Variants in NACC1 observed in about 807,000 individuals in gnomAD.
The protein encoded by NACC1 is nucleus accumbens-associated protein 1.
A neutral mutation model predicts 41.7 loss-of-function variants in NACC1; 6 were observed. The ratio of observed to expected loss-of-function variants is 0.14; its 90% CI spans 0.08 to 0.28. The LOEUF is 0.28. Ranked by LOEUF, NACC1 falls within the 10% of genes least tolerant of loss-of-function variation. The pLI, the probability that NACC1 is intolerant of heterozygous loss-of-function variation, is 1.00. For missense variants in NACC1, 434 were observed against 763.7 expected (o/e 0.57, Z 5.09); for synonymous variants, 338 against 330.6 (o/e 1.02, Z -0.24).
At position 13,138,255 on chromosome 19, in the gene NACC1, A is replaced by G. The variant is rs767345205; in HGVS notation, c.1433A>G (p.Lys478Arg). 44 of 1,614,080 alleles carry G rather than the reference A, an allele frequency of 2.7e-5. No individual in the cohort carries two copies. In the Admixed American group the frequency reaches 3.8e-4, roughly 14 times the overall value. ...RRVVRKSWMP[K>R]VKVLKAEDDA... ...GTCGTGCGCAAGAGCTGGATGCCCAAGGTCAAGGTGCTCAAGGCTGAGGAT... is the reference window on the plus strand; with the variant it reads ...GTCGTGCGCAAGAGCTGGATGCCCAGGGTCAAGGTGCTCAAGGCTGAGGAT... Residue 478 changes from lysine to arginine, a missense_variant, in exon 6 of 6, where the codon AAG (lysine) becomes AGG (arginine). Coordinates refer to ENST00000292431, the MANE Select transcript of NACC1 (RefSeq NM_052876.4). The surrounding 1 kb of genome is among the most constrained non-coding windows in gnomAD (Gnocchi z 5.7).
chr19:13,118,222 C>G (rs544588512), upstream of NACC1: 1 of 150,872 alleles, frequency 6.6e-6, no homozygotes, highest in South Asian at 2.1e-4. Flanking sequence ...CCGCTCCTCC[C>G]TGGCCTGGCT....
At position 13,120,328 on chromosome 19, in the gene NACC1, T is replaced by A. The variant is rs369202481; in HGVS notation, c.-9+1874T>A. Among the ~76,000 whole-genome samples the A allele has an allele frequency of 3.3e-5, 5 of 152,222 alleles. No homozygotes were observed. The East Asian group carries it at 7.7e-4, about 23-fold the overall frequency. ...TGCCTAGACTGTTTTTGCCCCACTT[T>A]GGCCCCCAGTCGGATGGCAGCAGCT... On this transcript the variant is annotated intron_variant, in intron 1 of 5. Coordinates refer to ENST00000292431, the MANE Select transcript of NACC1 (RefSeq NM_052876.4).
rs575305498 is a variant in NACC1 at position 13,124,631 on chromosome 19, A to C, written c.-9+6177A>C. 2.0e-5 allele frequency among the ~76,000 whole-genome samples: 3 copies of C among 152,294 alleles called. No individual in the cohort carries two copies. The East Asian group carries it at 5.8e-4, about 29-fold the overall frequency. On this transcript the variant is annotated intron_variant, in intron 1 of 5. Coordinates refer to ENST00000292431, the MANE Select transcript of NACC1 (RefSeq NM_052876.4). ...CTTTCTGGTTCTGGGTCAGGCAGGCAACCTGAGTAGCTGCCAGGATCCAGC... is the reference window on the plus strand; with the variant it reads ...CTTTCTGGTTCTGGGTCAGGCAGGCCACCTGAGTAGCTGCCAGGATCCAGC...
intron 1 of NACC1, among the ~76,000 whole-genome samples, chr19:13,125,498 G>A (rs757400892): frequency 2.8e-5 from 4 of 143,554 alleles, no homozygotes; most frequent in Non-Finnish European, 4.5e-5. Flanking sequence ...TTGACTCACC[G>A]CATCCTCCGC....
chr19:13,122,585 A>C (rs1011390876), intron 1 of NACC1, among the ~76,000 whole-genome samples: 3 of 149,336 alleles, frequency 2.0e-5, no homozygotes, highest in South Asian at 4.2e-4. Flanking sequence ...GCGGTTCAAC[A>C]TCAGACAGTG....
chr19:13,129,082 G>A (rs1271640065), intron 1 of NACC1, among the ~76,000 whole-genome samples: 1 of 152,172 alleles, frequency 6.6e-6, no homozygotes, highest in East Asian at 1.9e-4. Flanking sequence ...GGGCAGGAGA[G>A]GGACATCTTC....
At position 13,138,557 on chromosome 19, in the gene NACC1, T is replaced by C. The variant is rs2019740534; in HGVS notation, c.*151T>C. The C allele has an allele frequency of 1.0e-6, 1 of 980,926 alleles. No homozygotes were observed. The highest frequency in any genetic ancestry group is 1.4e-6 in the Non-Finnish European group (1 of 696,438). The allele number at this position is 980,926 out of a possible 1,614,324, so 60.8% of individuals were successfully genotyped here. A position where few individuals can be genotyped will look rare whatever the true frequency, so the allele number is the denominator to read the frequency against. ...CTCTGCCCCTCCTGTCCTACCCCCTTTCCCCACCGAGAGCTGGGCCGGGAG... is the reference window on the plus strand; with the variant it reads ...CTCTGCCCCTCCTGTCCTACCCCCTCTCCCCACCGAGAGCTGGGCCGGGAG... On this transcript the variant is annotated 3_prime_UTR_variant, in exon 6 of 6. Transcript: ENST00000292431. The surrounding 1 kb of genome is among the most constrained non-coding windows in gnomAD (Gnocchi z 5.7).
chr19:13,136,536 C>A lies in NACC1; in HGVS notation c.1120+131C>A. 1 of 1,107,460 alleles carries A rather than the reference C, an allele frequency of 9.0e-7. No homozygotes were observed. Among genetic ancestry groups the A allele is most frequent in the Non-Finnish European group, 1.3e-6 (1 of 798,686 alleles). The allele number at this position is 1,107,460 out of a possible 1,614,324, so 68.6% of individuals were successfully genotyped here. ...ATCTGTGCTGTAGTGTTGGTAACAG[C>A]CACCCTAAGGGTGGGGGCGTTGGTG... On this transcript the variant is annotated intron_variant, in intron 3 of 5. Coordinates refer to ENST00000292431, the MANE Select transcript of NACC1 (RefSeq NM_052876.4). This position sits in a 1 kb window ranked among gnomAD's most constrained non-coding sequence, Gnocchi z 5.5.
Position 13,138,559 on chromosome 19 carries a change from C to CGG in NACC1, c.*153_*154insGG. ...CTGCCCCTCCTGTCCTACCCCCTTT[C>CGG]CCCACCGAGAGCTGGGCCGGGAGAG... On this transcript the variant is annotated 3_prime_UTR_variant, in exon 6 of 6. Transcript: ENST00000292431. This position sits in a 1 kb window ranked among gnomAD's most constrained non-coding sequence, Gnocchi z 5.7. 8.6e-7 allele frequency: 1 copy of CGG among 1,158,070 alleles called. No individual in the cohort carries two copies. The highest frequency in any genetic ancestry group is 1.2e-6 in the Non-Finnish European group (1 of 839,090). The allele number at this position is 1,158,070 out of a possible 1,614,324, so 71.7% of individuals were successfully genotyped here.
Position 13,137,188 on chromosome 19 carries a change from G to A in NACC1, c.1121-83G>A. 1 of 1,325,126 alleles carries A rather than the reference G, an allele frequency of 7.5e-7. No homozygotes were observed. Among genetic ancestry groups the A allele is most frequent in the Middle Eastern group, 1.9e-4 (1 of 5,278 alleles). The allele number at this position is 1,325,126 out of a possible 1,614,324, so 82.1% of individuals were successfully genotyped here. On this transcript the variant is annotated intron_variant, in intron 3 of 5. Coordinates refer to ENST00000292431, the MANE Select transcript of NACC1 (RefSeq NM_052876.4). This position sits in a 1 kb window ranked among gnomAD's most constrained non-coding sequence, Gnocchi z 6.1. ...CAGAGCCCAGCAGGGAGGGCCTGGG[G>A]TGTTCTGAGATGAGGCCTGGTATCA...
Position 13,138,446 on chromosome 19 carries a change from A to C in NACC1, c.*40A>C, listed in dbSNP as rs777372603. On this transcript the variant is annotated 3_prime_UTR_variant, in exon 6 of 6. Transcript: ENST00000292431. This position sits in a 1 kb window ranked among gnomAD's most constrained non-coding sequence, Gnocchi z 5.7. ...CGCGGGGCCACACACTTCCCCTCCC[A>C]ACACACACACACACCTGCCATCTTG... 3 of 1,456,394 alleles carry C rather than the reference A, an allele frequency of 2.1e-6. No homozygotes were observed. The highest frequency in any genetic ancestry group is 1.9e-6 in the Non-Finnish European group (2 of 1,066,874). 90.2% of individuals were successfully genotyped at this position (1,456,394 alleles called of 1,614,324 possible).
intron 1 of NACC1, among the ~76,000 whole-genome samples, chr19:13,134,155 A>G (rs2019668475): frequency 1.3e-5 from 2 of 152,006 alleles, no homozygotes; most frequent in African/African-American, 4.8e-5. Context: ...TGGGCTCAAC[A>G]ACAGATCCAC....
chr19:13,124,818 GCCT>G (rs2019542698), intron 1 of NACC1, among the ~76,000 whole-genome samples: 1 of 151,982 alleles, frequency 6.6e-6, no homozygotes. Flanking sequence ...CATTGCTCAT[GCCT>G]CTAACCTCAG....
rs150928114 is a variant in NACC1, at chr19:13,138,284, G to A, written c.1462G>A (p.Ala488Thr). The A allele has an allele frequency of 2.7e-3, 4,311 of 1,614,200 alleles. 18 individuals are homozygous for A. Among genetic ancestry groups the A allele is most frequent in the Middle Eastern group, 0.019 (114 of 6,062 alleles). Residue 488 changes from alanine to threonine, a missense_variant, in exon 6 of 6, where the codon GCC (alanine) becomes ACC (threonine). Physicochemically the swap from Ala to Thr is moderately conservative, Grantham distance 58. Around this residue, in one of 4 missense-constraint regions of NACC1, gnomAD observed 63 missense variants for 68.4 expected, o/e 0.92. Coordinates refer to ENST00000292431, the MANE Select transcript of NACC1 (RefSeq NM_052876.4). The surrounding 1 kb of genome is among the most constrained non-coding windows in gnomAD (Gnocchi z 5.7). The part of the protein sequence containing the change: ...KVKVLKAEDD[A>T]YTTFISETGK... ...CAAGGTGCTCAAGGCTGAGGATGAC[G>A]CCTACACCACCTTCATCAGTGAAAC...
chr19:13,132,618 A>G (rs1047922659), intron 1 of NACC1, among the ~76,000 whole-genome samples: 8 of 152,038 alleles, frequency 5.3e-5, no homozygotes, highest in African/African-American at 1.9e-4. Context: ...CGGGGAGCTC[A>G]TAGAAGTTGT....
At chr19:13,132,850 C>G (rs551476238) in intron 1 of NACC1, among the ~76,000 whole-genome samples, 1 of 152,258 alleles carries the variant, frequency 6.6e-6, no homozygotes, top group Admixed American at 6.5e-5. Context: ...TCCTCAGCCT[C>G]GATTTCCAAA....
chr19:13,124,385 G>A (rs2019536849), intron 1 of NACC1, among the ~76,000 whole-genome samples: 1 of 152,042 alleles, frequency 6.6e-6, no homozygotes, highest in Non-Finnish European at 1.5e-5. Flanking sequence ...GGGCGACAGA[G>A]GAAGACTGTC....
chr19:13,117,790 G>A (rs1395403933), upstream of NACC1, among the ~76,000 whole-genome samples: 1 of 152,078 alleles, frequency 6.6e-6, no homozygotes, highest in African/African-American at 2.4e-5. Flanking sequence ...CTGACCTCAG[G>A]CGATCCACCC....
rs1170363337 is a variant in NACC1 at position 13,140,116 on chromosome 19, G to A, written c.*1710G>A. On this transcript the variant is annotated 3_prime_UTR_variant, in exon 6 of 6. Coordinates refer to ENST00000292431, the MANE Select transcript of NACC1 (RefSeq NM_052876.4). This position sits in a 1 kb window ranked among gnomAD's most constrained non-coding sequence, Gnocchi z 4.0. Reference sequence around the variant, plus strand: ...CCCTCTTAACATCTGCTTGTTGCGGGGGTCAGTCATGAGTGCCAGGGTCTG... The same window carrying A: ...CCCTCTTAACATCTGCTTGTTGCGGAGGTCAGTCATGAGTGCCAGGGTCTG... 4.6e-5 allele frequency: 7 copies of A among 152,772 alleles called. No individual in the cohort carries two copies. The East Asian group carries it at 1.4e-3, about 30-fold the overall frequency. 9.5% of individuals were successfully genotyped at this position (152,772 alleles called of 1,614,324 possible). A position where few individuals can be genotyped will look rare whatever the true frequency, so the allele number is the denominator to read the frequency against.
Sources: gnomAD v4.1 joint callset for allele counts (sites outside exome capture counted in the v4.1 genomes callset) on GRCh38, gnomAD v4.1.1 for gene constraint, gnomAD v4.1.1 regional missense constraint, Gnocchi (gnomAD v3.1) non-coding constraint, MANE v1.5 for transcripts, NCBI Gene and HGNC (gene_info 2026-07-23, HGNC 2026-07-21) for gene names.